TMEM232: variants seen among roughly 807,000 people sequenced by gnomAD.
TMEM232 encodes the protein transmembrane protein 232.
TMEM232 carries 80 observed loss-of-function variants against 78.8 expected under a neutral mutation model. The observed-to-expected ratio is 1.01, with a 90% CI of 0.85 to 1.22. The LOEUF (loss-of-function observed/expected upper bound fraction) is 1.22, where lower values mean the gene tolerates loss of function less well. TMEM232 is among the 50% of genes most tolerant of loss of function. TMEM232 has a pLI of 0.00. For missense variants in TMEM232, 881 were observed against 742.2 expected, an observed-to-expected ratio of 1.19 and a Z score of -2.17; for synonymous variants, 297 against 254.3, an observed-to-expected ratio of 1.17 and a Z score of -1.60.
intron 10 of TMEM232, among the ~76,000 whole-genome samples, chr5:110,602,531 C>T (rs1185673996): frequency 6.6e-6 from 1 of 151,888 alleles, no homozygotes; most frequent in Non-Finnish European, 1.5e-5. Context: ...CCAAAACAAG[C>T]ATATGAAAAA....
chr5:110,477,113 A>C (rs1763337767), intron 12 of TMEM232, among the ~76,000 whole-genome samples: 1 of 152,060 alleles, frequency 6.6e-6, no homozygotes, highest in Non-Finnish European at 1.5e-5. Flanking sequence ...AAGAACTGGC[A>C]TTGCTAAATG....
chr5:110,601,796 A>G (rs1580322916), intron 10 of TMEM232, among the ~76,000 whole-genome samples: 1 of 152,090 alleles, frequency 6.6e-6, no homozygotes, highest in Non-Finnish European at 1.5e-5. Context: ...AAAAAACTAC[A>G]TTAAATTTCA....
At chr5:110,465,543 A>G in intron 12 of TMEM232, among the ~76,000 whole-genome samples, 1 of 152,108 alleles carries the variant, frequency 6.6e-6, no homozygotes, top group African/African-American at 2.4e-5. Context: ...AAAAATTTTG[A>G]TTTTCATTGC....
chr5:110,448,558 T>C (rs191836445), intron 12 of TMEM232, among the ~76,000 whole-genome samples: 281 of 152,166 alleles, frequency 1.8e-3, no homozygotes, highest in Non-Finnish European at 3.0e-3. Context: ...AAACAGAATG[T>C]TGCTTAAAGA....
chr5:110,483,168 G>C (rs950333889), intron 12 of TMEM232, among the ~76,000 whole-genome samples: 5 of 152,126 alleles, frequency 3.3e-5, no homozygotes, highest in Admixed American at 6.5e-5. Flanking sequence ...CAGCACAGTA[G>C]AGTAGGGAGC....
At chr5:110,584,089 C>T (rs1168210510) in intron 10 of TMEM232, among the ~76,000 whole-genome samples, 3 of 151,392 alleles carry the variant, frequency 2.0e-5, no homozygotes, top group African/African-American at 7.3e-5. Context: ...AAACAGCATA[C>T]AATTTCCTCT....
intron 10 of TMEM232, among the ~76,000 whole-genome samples, chr5:110,581,178 T>C (rs1778165310): frequency 6.6e-6 from 1 of 151,820 alleles, no homozygotes; most frequent in South Asian, 2.1e-4. Flanking sequence ...CTAAAATTCA[T>C]ATGAAATTGA....
At chr5:110,688,407 G>GGA (rs369378082) in intron 1 of TMEM232, among the ~76,000 whole-genome samples, 1 of 152,112 alleles carries the variant, frequency 6.6e-6, no homozygotes, top group Non-Finnish European at 1.5e-5. Flanking sequence ...TTGGGATTGT[G>GGA]GAGAGAGAGA....
chr5:110,472,570 C>T (rs529122071), intron 12 of TMEM232, among the ~76,000 whole-genome samples: 31 of 151,934 alleles, frequency 2.0e-4, no homozygotes, highest in African/African-American at 6.7e-4. Flanking sequence ...TTTTATTGAA[C>T]CACAAAAGAC....
intron 1 of TMEM232, among the ~76,000 whole-genome samples, chr5:110,679,759 T>C (rs369688348): frequency 1.6e-3 from 19 of 12,024 alleles, no homozygotes; most frequent in African/African-American, 1.9e-3. Flanking sequence ...CTCATTAATA[T>C]ATATAATTTT....
At chr5:110,610,006 A>G (rs1781988451) in intron 8 of TMEM232, among the ~76,000 whole-genome samples, 1 of 152,016 alleles carries the variant, frequency 6.6e-6, no homozygotes, top group Non-Finnish European at 1.5e-5. Flanking sequence ...ATAAACCACA[A>G]AGAAAAGCCT....
chr5:110,415,876 C>T (rs1210569125), downstream of TMEM232, among the ~76,000 whole-genome samples: 1 of 152,098 alleles, frequency 6.6e-6, no homozygotes, highest in Non-Finnish European at 1.5e-5. Context: ...GATTCACCCC[C>T]TTTCCAAAAT....
chr5:110,669,749 T>C (rs564491857), intron 1 of TMEM232, among the ~76,000 whole-genome samples: 2 of 151,764 alleles, frequency 1.3e-5, no homozygotes, highest in African/African-American at 4.8e-5. Flanking sequence ...ACTGGCAAAC[T>C]GAATCCAGCA....
At chr5:110,490,166 AAAGAAAGAAAG>A (rs1246262606) in intron 12 of TMEM232, among the ~76,000 whole-genome samples, 1 of 143,412 alleles carries the variant, frequency 7.0e-6, no homozygotes, top group East Asian at 1.9e-4. Context: ...AGAAAGAAAG[AAAGAAAGAAAG>A]AAAGAAAGAA....
At chr5:110,736,238 A>G (rs1799146777) in intron 1 of TMEM232, among the ~76,000 whole-genome samples, 1 of 152,190 alleles carries the variant, frequency 6.6e-6, no homozygotes, top group Non-Finnish European at 1.5e-5. Flanking sequence ...GAAATACAGG[A>G]TGATAGAGCT....
At chr5:110,508,783 A>G (rs1391334082) in intron 12 of TMEM232, among the ~76,000 whole-genome samples, 1 of 148,824 alleles carries the variant, frequency 6.7e-6, no homozygotes, top group Non-Finnish European at 1.5e-5. Flanking sequence ...ATATGCATAT[A>G]TGCTTTGTTT....
chr5:110,649,516 AT>A (rs768650037), intron 2 of TMEM232, among the ~76,000 whole-genome samples: 13 of 152,154 alleles, frequency 8.5e-5, no homozygotes, highest in East Asian at 1.9e-4. Context: ...GATTAAAAAA[AT>A]ATCTTCCAAA....
At chr5:110,474,716 AAC>A (rs1233044861) in intron 12 of TMEM232, among the ~76,000 whole-genome samples, 2 of 152,028 alleles carry the variant, frequency 1.3e-5, no homozygotes, top group African/African-American at 4.8e-5. Context: ...TTGCTATAGA[AAC>A]AGTTAATATA....
At chr5:110,514,670 T>C (rs1768338329) in intron 12 of TMEM232, among the ~76,000 whole-genome samples, 1 of 151,940 alleles carries the variant, frequency 6.6e-6, no homozygotes. Flanking sequence ...ACTTTTTACA[T>C]TTTTTTTCCT....
Sources: gnomAD v4.1 joint callset for allele counts (sites outside exome capture counted in the v4.1 genomes callset) on GRCh38, gnomAD v4.1.1 for gene constraint, MANE v1.5 for transcripts, NCBI Gene and HGNC (gene_info 2026-07-23, HGNC 2026-07-21) for gene names.